Variants in GBP5 observed in about 807,000 individuals in gnomAD.
GBP5 encodes guanylate binding protein 5, also known as guanylate-binding protein 5.
Under a neutral mutation model 58.2 loss-of-function variants are expected in GBP5, and 48 were observed. The observed-to-expected ratio is 0.83, with a 90% confidence interval of 0.65 to 1.05. The LOEUF is 1.05. GBP5 is among the 50% of genes least tolerant of loss of function. The pLI is 0.00. For synonymous variants in GBP5, 248 were observed against 251.8 expected (o/e 0.98, Z 0.14); for missense variants, 714 against 686.8 (o/e 1.04, Z -0.44).
chr1:89,270,261 G>C (rs1001514824), intron 2 of GBP5: 2 of 151,898 alleles, frequency 1.3e-5, no homozygotes, highest in African/African-American at 4.8e-5. Context: ...ATAACCTAAA[G>C]AGTCTCTGGT....
intron 9 of GBP5, 100 bp from the exon 10 acceptor site, chr1:89,262,885 A>AG (rs1269314161): frequency 1.2e-5 from 9 of 727,814 alleles, no homozygotes; most frequent in Non-Finnish European, 2.0e-5. Context: ...TATTCCTCAT[A>AG]GGAGAGGCTT....
intron 7 of GBP5, among the ~76,000 whole-genome samples, chr1:89,265,937 G>A (rs1170546266): frequency 1.3e-5 from 2 of 152,112 alleles, no homozygotes; most frequent in African/African-American, 4.8e-5. Flanking sequence ...TAGGGTTTTA[G>A]ACAATTTGGG....
Position 89,262,326 on chromosome 1 carries a change from A to C in GBP5, c.1541T>G (p.Met514Arg), listed in dbSNP as rs1410859462. Residue 514 changes from methionine to arginine, a missense_variant, in exon 11 of 12, where the codon ATG (methionine) becomes AGG (arginine). Coordinates refer to ENST00000370459, the MANE Select transcript of GBP5 (RefSeq NM_052942.5). ...ATGGAGTCTCTCCCTCTCCTGCATC[A>C]TTTGCTCGTTCTGCCTTTGAATCGC... ...LAAIQRQNEQ[M>R]MQERERLHQE... The C allele has an allele frequency of 1.2e-6, 2 of 1,613,978 alleles. No homozygotes were observed. The highest frequency in any genetic ancestry group is 1.7e-5 in the Admixed American group (1 of 60,014).
At position 89,266,445 on chromosome 1, in the gene GBP5, C is replaced by G; in HGVS notation, c.769G>C (p.Glu257Gln). The stretch of plus-strand genomic sequence containing the variant: ...GTCACTTGTTGCACAAATTCAGGCT[C>G]TAGCTCATCATCAGGCAGTGTTTCA... ...QLETLPDDEL[E>Q]PEFVQQVTEF... The change falls in exon 7 of 12, where the codon GAG becomes CAG. Residue 257 changes from glutamate to glutamine, a missense_variant. Physicochemically the swap from Glu to Gln is conservative, Grantham distance 29. Coordinates refer to ENST00000370459, the MANE Select transcript of GBP5 (RefSeq NM_052942.5). 1.2e-6 allele frequency: 2 copies of G among 1,614,140 alleles called. No homozygotes were observed. Among genetic ancestry groups the G allele is most frequent in the East Asian group, 2.2e-5 (1 of 44,862 alleles).
intron 1 of GBP5, chr1:89,271,494 G>A (rs1400628514): frequency 6.6e-6 from 1 of 152,050 alleles, no homozygotes; most frequent in African/African-American, 2.4e-5. Context: ...AAAATACTAA[G>A]AGAAAATGCT....
At position 89,260,671 on chromosome 1, in the gene GBP5, G is replaced by C. The variant is rs1358436563; in HGVS notation, c.*33C>G. ...TTTCTGTTGTGTCATCAGTGACAAAGAGTAAAAAAAGGAAACTCCCATATT... is the reference window on the plus strand; with the variant it reads ...TTTCTGTTGTGTCATCAGTGACAAACAGTAAAAAAAGGAAACTCCCATATT... On this transcript the variant is annotated 3_prime_UTR_variant, in exon 12 of 12. Transcript: ENST00000370459. 2.3e-6 allele frequency: 3 copies of C among 1,278,140 alleles called. No homozygotes were observed. The highest frequency in any genetic ancestry group is 1.5e-5 in the African/African-American group (1 of 67,980). 79.2% of individuals were successfully genotyped at this position (1,278,140 alleles called of 1,614,324 possible). A position where few individuals can be genotyped will look rare whatever the true frequency, so the allele number is the denominator to read the frequency against.
intron 6 of GBP5, 55 bp downstream of exon 6, chr1:89,266,902 A>G (rs2100594802): frequency 7.8e-7 from 1 of 1,286,664 alleles, no homozygotes; most frequent in East Asian, 2.5e-5. Context: ...AACAAAAGAG[A>G]TAATTTCTTA....
At chr1:89,265,033 C>A in intron 7 of GBP5, 67 bp from the exon 8 acceptor site, 1 of 1,448,878 alleles carries the variant, frequency 6.9e-7, no homozygotes, top group Non-Finnish European at 9.5e-7. Flanking sequence ...ACAGTAATTT[C>A]TGAGAACGTA....
At position 89,263,870 on chromosome 1, in the gene GBP5, T is replaced by C; in HGVS notation, c.1228A>G (p.Lys410Glu). 1.2e-6 allele frequency: 2 copies of C among 1,612,858 alleles called. No homozygotes were observed. The highest frequency in any genetic ancestry group is 2.2e-5 in the South Asian group (2 of 90,984). ...ASSDYCSALLKDIFGPLEEAV... is the reference protein window; with the variant it reads ...ASSDYCSALLEDIFGPLEEAV... Reference sequence around the variant, plus strand: ...TCTTCTAGAGGACCAAAAATATCCTTAAGTAAAGCCGAGCAATAATCCGAG... The same window carrying C: ...TCTTCTAGAGGACCAAAAATATCCTCAAGTAAAGCCGAGCAATAATCCGAG... Residue 410 changes from lysine (K) to glutamate (E), a missense_variant, in exon 9 of 12, where the codon AAG becomes GAG. By Grantham distance (56) the Lys-to-Glu change is moderately conservative (BLOSUM62 1). Transcript: ENST00000370459.
intron 4 of GBP5, among the ~76,000 whole-genome samples, chr1:89,268,107 T>A (rs1357653754): frequency 1.3e-5 from 2 of 152,252 alleles, no homozygotes; most frequent in Non-Finnish European, 2.9e-5. Context: ...ATTGTGTGCA[T>A]GTCTTCCCAA....
chr1:89,271,638 T>C (rs985645982), intron 1 of GBP5: 1 of 152,170 alleles, frequency 6.6e-6, no homozygotes, highest in Admixed American at 6.5e-5. Flanking sequence ...TAGTTTCTGG[T>C]TTGAATTTCA....
Position 89,260,178 on chromosome 1 carries a change from A to C in GBP5, c.*526T>G, listed in dbSNP as rs1334335510. On this transcript the variant is annotated 3_prime_UTR_variant, in exon 12 of 12. Coordinates refer to ENST00000370459, the MANE Select transcript of GBP5 (RefSeq NM_052942.5). The stretch of plus-strand genomic sequence containing the variant: ...CACAACCTAGATCTTTTGCATGCAC[A>C]GTTCACAATAGGGTTCCCACTCCTG... 2.0e-5 allele frequency: 3 copies of C among 153,224 alleles called. No homozygotes were observed. Among genetic ancestry groups the C allele is most frequent in the Non-Finnish European group, 4.4e-5 (3 of 68,810 alleles). The allele number at this position is 153,224 out of a possible 1,614,324, so 9.5% of individuals were successfully genotyped here.
In GBP5 at chr1:89,266,998, G is replaced by T; in HGVS notation, c.584C>A (p.Thr195Lys). Reference protein sequence around the residue: ...LGLEIDGQLVTPDEYLENSLR... With the variant: ...LGLEIDGQLVKPDEYLENSLR... Reference sequence around the variant, plus strand: ...GGAATTCTCCAGGTATTCATCTGGTGTGACAAGTTGCCCATCTATTTCCAG... The same window carrying T: ...GGAATTCTCCAGGTATTCATCTGGTTTGACAAGTTGCCCATCTATTTCCAG... Residue 195 changes from threonine to lysine, a missense_variant, in exon 6 of 12, where the codon ACA (threonine) becomes AAA (lysine). By Grantham distance (78) the Thr-to-Lys change is moderately conservative. Coordinates refer to ENST00000370459, the MANE Select transcript of GBP5 (RefSeq NM_052942.5). 1 of 1,612,058 alleles carries T rather than the reference G, an allele frequency of 6.2e-7. No homozygotes were observed. The highest frequency in any genetic ancestry group is 2.2e-5 in the East Asian group (1 of 44,722).
rs770073945 is a variant in GBP5, at chr1:89,263,953, A to G, written c.1150-5T>C. Reference sequence around the variant, plus strand: ...CTGTTTTGCATCTAGTAGAGTCTTCAAAGAGACAAAAACCCATGGAAAAGA... The same window carrying G: ...CTGTTTTGCATCTAGTAGAGTCTTCGAAGAGACAAAAACCCATGGAAAAGA... On this transcript the variant is annotated splice_polypyrimidine_tract_variant and splice_region_variant and intron_variant, in intron 8 of 11. Coordinates refer to ENST00000370459, the MANE Select transcript of GBP5 (RefSeq NM_052942.5). 7 of 1,546,730 alleles carry G rather than the reference A, an allele frequency of 4.5e-6. No homozygotes were observed. Among genetic ancestry groups the G allele is most frequent in the Admixed American group, 1.7e-5 (1 of 58,982 alleles).
intron 9 of GBP5, chr1:89,263,504 T>C (rs1175614422): frequency 2.1e-5 from 9 of 424,116 alleles, no homozygotes; most frequent in Non-Finnish European, 3.9e-5. Flanking sequence ...CTGGTGATTA[T>C]GGTGATGGTT....
In GBP5 at chr1:89,262,220, C is replaced by T; in HGVS notation, c.1647G>A (p.Gln549=). ...EQQKMQEQQM[Q]EQAAQLSTTF... ...GAGAGATGAAACAATTGATGAATAC[C>T]TGCATCTGTTGTTCCTGCATTTTCT... Residue 549 remains glutamine (Q), a splice_region_variant and synonymous_variant, in exon 11 of 12, where the codon CAG becomes CAA. Transcript: ENST00000370459. 6.2e-7 allele frequency: 1 copy of T among 1,613,796 alleles called. No individual in the cohort carries two copies. The highest frequency in any genetic ancestry group is 8.5e-7 in the Non-Finnish European group (1 of 1,179,710).
rs1342578309 is a variant in GBP5 at position 89,267,149 on chromosome 1, C to T, written c.433G>A (p.Val145Met). ...TTGAGCAGATCTGTCAGTTCTGTCA[C>T]ATTGCTGAGATGCAATTAAAGAAAA... ...DQGAIDLLHN[V>M]TELTDLLKAR... Residue 145 changes from valine (V) to methionine (M), a missense_variant, in exon 6 of 12, where the codon GTG becomes ATG. Val to Met is a conservative substitution (Grantham distance 21, BLOSUM62 1). Transcript: ENST00000370459. 3 of 1,584,470 alleles carry T rather than the reference C, an allele frequency of 1.9e-6. No individual in the cohort carries two copies. Among genetic ancestry groups the T allele is most frequent in the South Asian group, 2.3e-5 (2 of 86,364 alleles).
In GBP5 at chr1:89,264,691, A is replaced by G. The variant is rs773978617; in HGVS notation, c.1144T>C (p.Leu382=). The change falls in exon 8 of 12, where the codon TTG becomes CTG. Residue 382 remains leucine, a synonymous_variant. Transcript: ENST00000370459. ...ACTAGAAACAAAAATATCACCTCCA[A>G]TTCTTTCTGGAAACTTTGGTCTACA... ...KDVDQSFQKE[L]ETLLDAKQND... is the part of the protein sequence containing the mutation. 4 of 1,613,024 alleles carry G rather than the reference A, an allele frequency of 2.5e-6. No homozygotes were observed. The highest frequency in any genetic ancestry group is 2.2e-5 in the South Asian group (2 of 91,080).
At chr1:89,262,988 G>A in intron 9 of GBP5, 1 of 411,328 alleles carries the variant, frequency 2.4e-6, no homozygotes. Context: ...AGAGGCTTGT[G>A]GAACACCTGC....
Sources: allele counts gnomAD v4.1 joint callset (sites outside exome capture counted in the v4.1 genomes callset), GRCh38; gene constraint gnomAD v4.1.1; transcripts MANE v1.5; gene names NCBI Gene and HGNC (gene_info 2026-07-23, HGNC 2026-07-21).